NTPCR: variants seen among roughly 807,000 people sequenced by gnomAD.
NTPCR encodes the protein cancer-related nucleoside-triphosphatase.
In NTPCR, 15 loss-of-function variants were observed where a neutral mutation model predicts 19.5. That is an observed-to-expected ratio of 0.77 (90% CI 0.51 to 1.18). The LOEUF (loss-of-function observed/expected upper bound fraction) is 1.18, where lower values mean the gene tolerates loss of function less well. NTPCR is among the 50% of genes most tolerant of loss of function. The pLI is 0.00. For missense variants in NTPCR, 206 were observed against 240.4 expected (o/e 0.86, Z 0.95); for synonymous variants, 90 against 95.8 (o/e 0.94, Z 0.36).
At position 232,978,403 on chromosome 1, in the gene NTPCR, A is replaced by G; in HGVS notation, c.*172A>G. The G allele has an allele frequency of 1.7e-6, 1 of 581,688 alleles. No individual in the cohort carries two copies. Among genetic ancestry groups the G allele is most frequent in the Admixed American group, 3.0e-5 (1 of 32,844 alleles). The allele number at this position is 581,688 out of a possible 1,614,324, so 36.0% of individuals were successfully genotyped here. On this transcript the variant is annotated 3_prime_UTR_variant, in exon 5 of 5. Transcript: ENST00000366628. ...TGTTTAAAAGATCAAATTAGCCTTA[A>G]TGCTGGATTGTCTGTACAAGATTAA...
At chr1:232,954,025 T>C (rs1347917871) in intron 1 of NTPCR, among the ~76,000 whole-genome samples, 1 of 152,254 alleles carries the variant, frequency 6.6e-6, no homozygotes, top group African/African-American at 2.4e-5. Context: ...TGATGTTTCC[T>C]GAGGATGAAT....
At chr1:232,976,600 T>C (rs998746734) in intron 4 of NTPCR, 41 of 1,432,508 alleles carry the variant, frequency 2.9e-5, no homozygotes, top group Non-Finnish European at 3.6e-5. Flanking sequence ...TTTGGAGCTG[T>C]CCCATGAAGC....
intron 3 of NTPCR, among the ~76,000 whole-genome samples, chr1:232,960,323 TATGTTTC>T (rs1001433940): frequency 2.0e-5 from 3 of 150,356 alleles, no homozygotes; most frequent in Non-Finnish European, 3.0e-5. Context: ...CTGCTCTGGT[TATGTTTC>T]TTGTTTCTTT....
At chr1:232,954,981 G>T (rs1668473198) in intron 1 of NTPCR, among the ~76,000 whole-genome samples, 2 of 152,152 alleles carry the variant, frequency 1.3e-5, no homozygotes, top group African/African-American at 4.8e-5. Context: ...AACCTGATAG[G>T]CTTGCTGTTA....
At chr1:232,958,686 C>T (rs994044531) in intron 3 of NTPCR, among the ~76,000 whole-genome samples, 2 of 152,220 alleles carry the variant, frequency 1.3e-5, no homozygotes, top group Admixed American at 6.5e-5. Flanking sequence ...ACTCTCGTGG[C>T]CACTGTGTTT....
intron 4 of NTPCR, among the ~76,000 whole-genome samples, chr1:232,975,289 T>C (rs1324689713): frequency 6.6e-6 from 1 of 152,190 alleles, no homozygotes; most frequent in Non-Finnish European, 1.5e-5. Flanking sequence ...CCCTTCCCGC[T>C]TCTTGATTGT....
chr1:232,978,234 A>G lies in NTPCR; in HGVS notation c.*3A>G. 2 of 1,613,576 alleles carry G rather than the reference A, an allele frequency of 1.2e-6. No homozygotes were observed. The highest frequency in any genetic ancestry group is 1.7e-6 in the Non-Finnish European group (2 of 1,179,538). On this transcript the variant is annotated 3_prime_UTR_variant, in exon 5 of 5. Transcript: ENST00000366628. The stretch of plus-strand genomic sequence containing the variant: ...GCGTGCAGAGCAGCAGGAAGTGAAG[A>G]CACGTGCATTCCTGCCTTCCGTGAA...
At chr1:232,951,374 C>A in intron 1 of NTPCR, among the ~76,000 whole-genome samples, 1 of 152,076 alleles carries the variant, frequency 6.6e-6, no homozygotes, top group Admixed American at 6.6e-5. Context: ...GCTGTCCCCT[C>A]CTGATGTCTG....
At position 232,979,727 on chromosome 1, in the gene NTPCR, G is replaced by A. The variant is rs1558138008; in HGVS notation, c.*1496G>A. On this transcript the variant is annotated 3_prime_UTR_variant, in exon 5 of 5. Transcript: ENST00000366628. This position sits in a 1 kb window ranked among gnomAD's most constrained non-coding sequence, Gnocchi z 5.3. ...TGTGACTTCCAGCCACCATCACCAG[G>A]ACACCGGTGTGGGCTGCATGCCTCA... 1 of 152,274 alleles carries A rather than the reference G, an allele frequency of 6.6e-6. No homozygotes were observed. Among genetic ancestry groups the A allele is most frequent in the Non-Finnish European group, 1.5e-5 (1 of 68,084 alleles). The allele number at this position is 152,274 out of a possible 1,614,324, so 9.4% of individuals were successfully genotyped here.
chr1:232,957,519 T>G (rs909651511), intron 3 of NTPCR, among the ~76,000 whole-genome samples: 3 of 152,214 alleles, frequency 2.0e-5, no homozygotes. Flanking sequence ...TTTTGTAAGA[T>G]TGGTGATATT....
chr1:232,975,515 G>C (rs184546597), intron 4 of NTPCR, among the ~76,000 whole-genome samples: 1 of 152,188 alleles, frequency 6.6e-6, no homozygotes, highest in East Asian at 1.9e-4. Context: ...CTATGTGCAA[G>C]AAAGCAAAAC....
intron 4 of NTPCR, among the ~76,000 whole-genome samples, chr1:232,972,123 G>T (rs988289578): frequency 5.9e-5 from 9 of 152,054 alleles, no homozygotes; most frequent in African/African-American, 1.9e-4. Flanking sequence ...CATTTCTTCC[G>T]CTCTCTGAGA....
intron 3 of NTPCR, among the ~76,000 whole-genome samples, chr1:232,957,270 T>A (rs1571954275): frequency 6.6e-6 from 1 of 152,322 alleles, no homozygotes; most frequent in East Asian, 1.9e-4. Flanking sequence ...GAATGATTCG[T>A]ATTAATTTTT....
intron 4 of NTPCR, among the ~76,000 whole-genome samples, chr1:232,971,354 A>G (rs1010580944): frequency 6.6e-6 from 1 of 152,142 alleles, no homozygotes; most frequent in African/African-American, 2.4e-5. Flanking sequence ...CACCTTCCTC[A>G]TGATCATTTT....
At chr1:232,967,864 A>G (rs971789281) in intron 3 of NTPCR, 1 of 152,232 alleles carries the variant, frequency 6.6e-6, no homozygotes, top group Non-Finnish European at 1.5e-5. Flanking sequence ...ACTTGGGAAC[A>G]GTCGGGTCAG....
At chr1:232,975,497 G>GTA (rs879067049) in intron 4 of NTPCR, among the ~76,000 whole-genome samples, 2 of 152,198 alleles carry the variant, frequency 1.3e-5, no homozygotes, top group Admixed American at 1.3e-4. Flanking sequence ...ATGCCTCTTA[G>GTA]TATACAACTA....
intron 3 of NTPCR, chr1:232,962,401 T>C (rs772471922): frequency 5.3e-5 from 8 of 152,226 alleles, no homozygotes; most frequent in Admixed American, 1.3e-4. Context: ...AGGTTATTCA[T>C]AGGGCTCTCC....
chr1:232,956,538 G>C (rs566222083), intron 3 of NTPCR, 95 bp downstream of exon 3: 6 of 816,116 alleles, frequency 7.4e-6, no homozygotes, highest in Middle Eastern at 4.5e-4. Flanking sequence ...GCTCTTAAAG[G>C]CCCCAGTTTT....
chr1:232,957,042 T>C (rs909474481), intron 3 of NTPCR, among the ~76,000 whole-genome samples: 2 of 152,214 alleles, frequency 1.3e-5, no homozygotes, highest in African/African-American at 4.8e-5. Flanking sequence ...AGAAAGTATT[T>C]AGTCTTTCAC....
Sources: gnomAD v4.1 joint callset for allele counts (sites outside exome capture counted in the v4.1 genomes callset) on GRCh38, gnomAD v4.1.1 for gene constraint, Gnocchi (gnomAD v3.1) non-coding constraint, MANE v1.5 for transcripts, NCBI Gene and HGNC (gene_info 2026-07-23, HGNC 2026-07-21) for gene names.